Variants in OSBPL10 observed in about 807,000 individuals in gnomAD.
OSBPL10 encodes the protein oxysterol-binding protein-related protein 10.
OSBPL10 carries 49 observed loss-of-function variants against 81.7 expected under a neutral mutation model. The ratio of observed to expected loss-of-function variants is 0.60; its 90% confidence interval spans 0.48 to 0.76. The LOEUF (loss-of-function observed/expected upper bound fraction) is 0.76, where lower values mean the gene tolerates loss of function less well. OSBPL10 is among the 30% of genes least tolerant of loss of function. OSBPL10 has a pLI of 0.00. For missense variants in OSBPL10, 923 were observed against 987.8 expected, an observed-to-expected ratio of 0.93 and a Z score of 0.88; for synonymous variants, 419 against 383.6, an observed-to-expected ratio of 1.09 and a Z score of -1.08.
At chr3:32,012,270 A>G (rs1171462651) in intron 2 of OSBPL10, among the ~76,000 whole-genome samples, 1 of 152,224 alleles carries the variant, frequency 6.6e-6, no homozygotes, top group Non-Finnish European at 1.5e-5. Flanking sequence ...AAGCCAGAAG[A>G]GAGTGGGGGC....
chr3:31,703,162 C>A (rs567628904), intron 6 of OSBPL10, among the ~76,000 whole-genome samples: 9 of 152,306 alleles, frequency 5.9e-5, no homozygotes, highest in Admixed American at 5.9e-4. Flanking sequence ...TTCAATCACT[C>A]AATTCCAATT....
At chr3:31,708,655 GAC>G (rs1696150934) in intron 6 of OSBPL10, 1 of 893,220 alleles carries the variant, frequency 1.1e-6, no homozygotes. Flanking sequence ...CTCCCCTGAG[GAC>G]ACAGAGATAG....
At chr3:31,843,306 C>T (rs1489594042) in intron 3 of OSBPL10, among the ~76,000 whole-genome samples, 2 of 152,230 alleles carry the variant, frequency 1.3e-5, no homozygotes, top group Non-Finnish European at 2.9e-5. Context: ...ATCCCATTAC[C>T]TGTGTCTGGG....
chr3:31,713,687 G>A (rs1049277281), intron 6 of OSBPL10, among the ~76,000 whole-genome samples: 8 of 152,008 alleles, frequency 5.3e-5, no homozygotes, highest in Admixed American at 1.3e-4. Flanking sequence ...ATGAGCCACC[G>A]CACCCAGCCT....
At chr3:31,871,073 T>A (rs1701311496) in intron 3 of OSBPL10, among the ~76,000 whole-genome samples, 1 of 152,086 alleles carries the variant, frequency 6.6e-6, no homozygotes, top group Admixed American at 6.5e-5. Flanking sequence ...TGGGGCCAGA[T>A]AAGAGAATAA....
chr3:31,881,467 A>G (rs1695575980), intron 1 of OSBPL10, among the ~76,000 whole-genome samples: 3 of 152,138 alleles, frequency 2.0e-5, no homozygotes, highest in African/African-American at 7.2e-5. Context: ...TTTTAACATT[A>G]TATTGCACTA....
At chr3:31,880,292 C>T (rs1695524939) in intron 1 of OSBPL10, among the ~76,000 whole-genome samples, 1 of 152,310 alleles carries the variant, frequency 6.6e-6, no homozygotes, top group Middle Eastern at 3.4e-3. Flanking sequence ...GCATGGGTAC[C>T]ATAAGGAGCC....
intron 4 of OSBPL10, among the ~76,000 whole-genome samples, chr3:31,781,557 A>G (rs1698696125): frequency 6.6e-6 from 1 of 152,150 alleles, no homozygotes; most frequent in African/African-American, 2.4e-5. Flanking sequence ...AGGAAACACT[A>G]AAGACTCATC....
intron 1 of OSBPL10, among the ~76,000 whole-genome samples, chr3:32,056,571 G>A (rs918121218): frequency 1.3e-5 from 2 of 152,192 alleles, no homozygotes; most frequent in African/African-American, 4.8e-5. Flanking sequence ...CAAGAGATAC[G>A]AATGGCCCTT....
intron 2 of OSBPL10, among the ~76,000 whole-genome samples, chr3:32,007,609 G>A (rs1258969508): frequency 6.6e-6 from 1 of 152,032 alleles, no homozygotes; most frequent in Admixed American, 6.6e-5. Context: ...ATATGTCAAA[G>A]TTCCCTCTGC....
At position 31,769,408 on chromosome 3, in the gene OSBPL10, G is replaced by A. The variant is rs564401373; in HGVS notation, c.730-21288C>T. Among the ~76,000 whole-genome samples, 156 of 115,724 alleles carry A rather than the reference G, an allele frequency of 1.3e-3. 8 individuals carry two copies. Among genetic ancestry groups the A allele is most frequent in the Non-Finnish European group, 1.9e-3 (113 of 60,646 alleles). The allele number at this position is 115,724 out of a possible 152,430, so 75.9% of individuals were successfully genotyped here. A position where few individuals can be genotyped will look rare whatever the true frequency, so the allele number is the denominator to read the frequency against. On this transcript the variant is annotated intron_variant, in intron 4 of 11. Coordinates refer to ENST00000396556, the MANE Select transcript of OSBPL10 (RefSeq NM_017784.5). ...TGCAGTGAGCCGAGATCACGCCACTGCACTCCAGCCTGGGCAACAAGAGCA... is the reference window on the plus strand; with the variant it reads ...TGCAGTGAGCCGAGATCACGCCACTACACTCCAGCCTGGGCAACAAGAGCA...
chr3:31,824,612 C>G (rs562856749), intron 4 of OSBPL10, among the ~76,000 whole-genome samples: 36 of 152,122 alleles, frequency 2.4e-4, no homozygotes, highest in African/African-American at 8.7e-4. Flanking sequence ...GGTTCTCCAT[C>G]GAAAGACCCG....
intron 3 of OSBPL10, among the ~76,000 whole-genome samples, chr3:31,845,790 T>G (rs1242962421): frequency 6.6e-6 from 1 of 152,182 alleles, no homozygotes; most frequent in East Asian, 1.9e-4. Context: ...CCGATGCTTT[T>G]CAGAGACTCC....
rs140316919 is a variant in OSBPL10, at chr3:31,841,820, C to T, written c.538-11589G>A. Among the ~76,000 whole-genome samples, 292 of 152,168 alleles carry T rather than the reference C, an allele frequency of 1.9e-3. 2 individuals are homozygous for T. Among genetic ancestry groups the T allele is most frequent in the African/African-American group, 6.5e-3 (270 of 41,498 alleles). On this transcript the variant is annotated intron_variant, in intron 3 of 11. Transcript: ENST00000396556. ...TGCTGTACTTATTATTTTAATTACA[C>T]AATTTAAATAACAAAGAAACCAATA...
At chr3:32,074,026 C>T (rs1035584010) in intron 1 of OSBPL10, among the ~76,000 whole-genome samples, 29 of 152,298 alleles carry the variant, frequency 1.9e-4, no homozygotes, top group African/African-American at 6.5e-4. Context: ...TCCTCACTGC[C>T]GCCAATCCTT....
At chr3:31,831,914 A>T (rs749162305) in intron 3 of OSBPL10, among the ~76,000 whole-genome samples, 1 of 152,222 alleles carries the variant, frequency 6.6e-6, no homozygotes, top group Non-Finnish European at 1.5e-5. Context: ...GTGAAATGCT[A>T]TATGTCCCTG....
intron 4 of OSBPL10, among the ~76,000 whole-genome samples, chr3:31,778,735 A>G (rs1052781278): frequency 6.6e-6 from 1 of 152,214 alleles, no homozygotes; most frequent in African/African-American, 2.4e-5. Flanking sequence ...CAAAAAAATA[A>G]TAATAATAAT....
intron 1 of OSBPL10, among the ~76,000 whole-genome samples, chr3:31,961,599 TTTTA>T (rs955133607): frequency 2.6e-5 from 4 of 152,076 alleles, no homozygotes; most frequent in Admixed American, 1.3e-4. Context: ...GACATTTGTA[TTTTA>T]TTTATTTATT....
chr3:32,030,742 T>C (rs1017576915), intron 2 of OSBPL10: 7 of 663,492 alleles, frequency 1.1e-5, no homozygotes, highest in Non-Finnish European at 1.9e-5. Flanking sequence ...AAAAAATTAC[T>C]AAGCAAAACC....
Sources: gnomAD v4.1 joint callset for allele counts (sites outside exome capture counted in the v4.1 genomes callset) on GRCh38, gnomAD v4.1.1 for gene constraint, MANE v1.5 for transcripts, NCBI Gene and HGNC (gene_info 2026-07-23, HGNC 2026-07-21) for gene names.